UBR1: variants seen among roughly 807,000 people sequenced by gnomAD.
UBR1 encodes the protein ubiquitin protein ligase E3 component n-recognin 1, also known as E3 ubiquitin-protein ligase UBR1.
A neutral mutation model predicts 242.1 loss-of-function variants in UBR1; 102 were observed. That is an observed-to-expected ratio of 0.42 (90% CI 0.36 to 0.50). The LOEUF (loss-of-function observed/expected upper bound fraction) is 0.50, where lower values mean the gene tolerates loss of function less well. UBR1 is among the 20% of genes least tolerant of loss of function. UBR1 has a pLI of 0.01. For missense variants in UBR1, 1,772 were observed against 2,101.8 expected (o/e 0.84, Z 3.07); for synonymous variants, 675 against 684.8 (o/e 0.99, Z 0.22).
intron 21 of UBR1, among the ~76,000 whole-genome samples, chr15:43,028,475 A>G (rs963567423): frequency 1.3e-5 from 2 of 152,158 alleles, no homozygotes; most frequent in African/African-American, 4.8e-5. Flanking sequence ...GGCCGGGCAC[A>G]GTGGCTCACA....
chr15:43,001,286 T>C (rs1440409859), intron 32 of UBR1, among the ~76,000 whole-genome samples: 2 of 152,142 alleles, frequency 1.3e-5, no homozygotes, highest in Non-Finnish European at 2.9e-5. Flanking sequence ...TAGCTGGGAT[T>C]ATAGGTGCCC....
chr15:43,068,707 G>A (rs1295435609), intron 5 of UBR1, among the ~76,000 whole-genome samples: 2 of 151,920 alleles, frequency 1.3e-5, no homozygotes, highest in East Asian at 1.9e-4. Context: ...TGCAACCTCC[G>A]CCTCCCGTGT....
intron 15 of UBR1, among the ~76,000 whole-genome samples, chr15:43,040,777 C>T (rs1029727837): frequency 8.5e-5 from 13 of 152,208 alleles, no homozygotes; most frequent in African/African-American, 2.9e-4. Flanking sequence ...GAAAAGCAGG[C>T]GAAGGATATG....
intron 39 of UBR1, among the ~76,000 whole-genome samples, chr15:42,975,053 C>T (rs143778517): frequency 0.012 from 1,776 of 152,166 alleles, 25 homozygotes; most frequent in African/African-American, 0.037. Flanking sequence ...CCTGCCACCA[C>T]GCTGGCTAAT....
intron 36 of UBR1, among the ~76,000 whole-genome samples, chr15:42,984,311 G>A (rs894819015): frequency 2.0e-5 from 3 of 152,182 alleles, no homozygotes; most frequent in African/African-American, 7.2e-5. Context: ...TGTGCCAGCT[G>A]TCAGAAAAAT....
intron 21 of UBR1, 37 bp from the exon 22 acceptor site, chr15:43,027,865 A>G (rs942308692): frequency 4.6e-6 from 7 of 1,512,078 alleles, no homozygotes; most frequent in East Asian, 2.3e-5. Flanking sequence ...TTACCTTCAT[A>G]TAATGACTTC....
chr15:43,068,437 T>C (rs950115434), intron 5 of UBR1, among the ~76,000 whole-genome samples: 3 of 152,086 alleles, frequency 2.0e-5, no homozygotes, highest in African/African-American at 7.2e-5. Flanking sequence ...TCCGCCTGTT[T>C]TGACCTCCCA....
intron 39 of UBR1, among the ~76,000 whole-genome samples, chr15:42,973,855 C>T (rs1194027673): frequency 6.8e-6 from 1 of 148,094 alleles, no homozygotes; most frequent in Non-Finnish European, 1.5e-5. Flanking sequence ...TACCTAAGGT[C>T]ATCTAGGTTT....
At position 42,958,303 on chromosome 15, in the gene UBR1, T is replaced by A. The variant is rs111850865; in HGVS notation, c.4758-213A>T. ...GGATTCCTTTCCAAACTTAACTTCC[T>A]CTAGTTTCTAGGACTAAACTGTTAT... On this transcript the variant is annotated intron_variant, in intron 43 of 46. Coordinates refer to ENST00000290650, the MANE Select transcript of UBR1 (RefSeq NM_174916.3). Among the ~76,000 whole-genome samples, 868 of 152,338 alleles carry A rather than the reference T, an allele frequency of 5.7e-3. 9 individuals are homozygous for A. The highest frequency in any genetic ancestry group is 0.02 in the African/African-American group (835 of 41,576).
intron 1 of UBR1, chr15:43,091,883 G>T (rs1036457220): frequency 6.5e-6 from 2 of 308,454 alleles, no homozygotes; most frequent in African/African-American, 6.1e-5. Flanking sequence ...AATGAGCTGA[G>T]ATCATGCCAC....
rs138146071 is a variant in UBR1, at chr15:43,062,192, T to A, written c.799-2078A>T. 1.4e-4 allele frequency among the ~76,000 whole-genome samples: 21 copies of A among 152,308 alleles called. No homozygotes were observed. The East Asian group carries it at 2.9e-3, about 21-fold the overall frequency. On this transcript the variant is annotated intron_variant, in intron 6 of 46. Coordinates refer to ENST00000290650, the MANE Select transcript of UBR1 (RefSeq NM_174916.3). ...ACTTGAACGGACTTTTGTGTATCCA[T>A]GTTCATAAGAGCATTATCCACAATA...
Position 43,002,598 on chromosome 15 carries a change from T to C in UBR1, c.3616A>G (p.Thr1206Ala). ...LCPLCKSLCN[T>A]VIPIIPLQPQ... ...TGCAAAGGAATAATGGGGATCACAG[T>C]ATTGCACAGAGATTTGCAAAGAGGG... The change falls in exon 32 of 47, where the codon ACT (threonine) becomes GCT (alanine). Residue 1206 changes from threonine to alanine, a missense_variant. Thr to Ala is a moderately conservative substitution (Grantham distance 58). This residue lies in a region of UBR1 where 965 missense variants were observed against 1,079.7 expected (regional missense o/e 0.89). Coordinates refer to ENST00000290650, the MANE Select transcript of UBR1 (RefSeq NM_174916.3). The C allele has an allele frequency of 6.2e-7, 1 of 1,614,186 alleles. No homozygotes were observed. The highest frequency in any genetic ancestry group is 8.5e-7 in the Non-Finnish European group (1 of 1,180,036).
chr15:43,063,996 A>C (rs2033721878), intron 6 of UBR1, among the ~76,000 whole-genome samples: 1 of 152,204 alleles, frequency 6.6e-6, no homozygotes, highest in African/African-American at 2.4e-5. Context: ...TCAGCCTCCC[A>C]AAGTGGTGGG....
intron 6 of UBR1, among the ~76,000 whole-genome samples, chr15:43,067,334 T>C (rs1228447819): frequency 6.6e-6 from 1 of 152,160 alleles, no homozygotes; most frequent in East Asian, 1.9e-4. Flanking sequence ...TATTAAACCA[T>C]GCGGTTTTTA....
At chr15:43,033,450 C>T (rs568428899) in intron 19 of UBR1, among the ~76,000 whole-genome samples, 18 of 152,108 alleles carry the variant, frequency 1.2e-4, no homozygotes, top group African/African-American at 4.3e-4. Flanking sequence ...TTGAGACCAG[C>T]CTGACCAACA....
chr15:43,002,502 A>T, intron 32 of UBR1, 53 bp downstream of exon 32: 1 of 1,586,510 alleles, frequency 6.3e-7, no homozygotes, highest in Non-Finnish European at 8.6e-7. Context: ...ATCACAGGCC[A>T]CTGCACCTGG....
At chr15:42,966,716 G>T (rs2032112223) in intron 40 of UBR1, among the ~76,000 whole-genome samples, 1 of 151,550 alleles carries the variant, frequency 6.6e-6, no homozygotes, top group Non-Finnish European at 1.5e-5. Context: ...AATAGTTTCA[G>T]TGTTTAAATC....
At chr15:43,015,654 T>A in intron 29 of UBR1, 34 bp downstream of exon 29, 4 of 1,594,216 alleles carry the variant, frequency 2.5e-6, no homozygotes, top group East Asian at 2.3e-5. Context: ...AAAAAAAAAA[T>A]TGAGTTGGTA....
At chr15:43,046,238 G>C (rs1158755985) in intron 14 of UBR1, among the ~76,000 whole-genome samples, 1 of 152,212 alleles carries the variant, frequency 6.6e-6, no homozygotes, top group Non-Finnish European at 1.5e-5. Context: ...ATTTCCTGTG[G>C]TGATTGTACT....
Sources: allele counts gnomAD v4.1 joint callset (sites outside exome capture counted in the v4.1 genomes callset), GRCh38; gene constraint gnomAD v4.1.1; regional missense constraint gnomAD v4.1.1; transcripts MANE v1.5; gene names NCBI Gene and HGNC (gene_info 2026-07-23, HGNC 2026-07-21).